Variants in OLAH observed in about 807,000 individuals in gnomAD.
The protein encoded by OLAH is S-acyl fatty acid synthase thioesterase, medium chain.
Under a neutral mutation model 27.8 loss-of-function variants are expected in OLAH, and 33 were observed. The ratio of observed to expected loss-of-function variants is 1.19; its 90% CI spans 0.90 to 1.59. The LOEUF is 1.59. Among genes scored for constraint, OLAH ranks in the 40% most tolerant of loss-of-function variants. The pLI, the probability that OLAH is intolerant of heterozygous loss-of-function variation, is 0.00. For synonymous variants in OLAH, 120 were observed against 102.9 expected, an observed-to-expected ratio of 1.17 and a Z score of -1.01; for missense variants, 359 against 310.8, an observed-to-expected ratio of 1.16 and a Z score of -1.17.
At chr10:15,055,908 G>T (rs1589245495) in intron 3 of OLAH, among the ~76,000 whole-genome samples, 1 of 150,598 alleles carries the variant, frequency 6.6e-6, no homozygotes, top group Non-Finnish European at 1.5e-5. Flanking sequence ...GGAGTGCAGT[G>T]GCACAATCTC....
intron 1 of OLAH, among the ~76,000 whole-genome samples, chr10:15,032,885 CT>C (rs11288848): frequency 0.72 from 108,860 of 151,690 alleles, 39,634 homozygotes; most frequent in East Asian, 0.98. Flanking sequence ...TTTTTGTTTT[CT>C]TTTTTTTAGA....
chr10:15,042,576 T>C (rs1266363217), upstream of OLAH, among the ~76,000 whole-genome samples: 1 of 152,194 alleles, frequency 6.6e-6, no homozygotes, highest in Non-Finnish European at 1.5e-5. Context: ...TTTTAGAATG[T>C]ACAATTAAGT....
intron 6 of OLAH, 90 bp from the exon 7 acceptor site, chr10:15,071,705 C>G: frequency 6.9e-7 from 1 of 1,454,686 alleles, no homozygotes; most frequent in Non-Finnish European, 9.4e-7. Flanking sequence ...AGAAGTGAAC[C>G]CACCCCAAGT....
intron 4 of OLAH, among the ~76,000 whole-genome samples, chr10:15,062,787 G>A (rs1844394248): frequency 6.7e-6 from 1 of 148,614 alleles, no homozygotes; most frequent in African/African-American, 2.5e-5. Context: ...CACCCACGCT[G>A]GAGTGCAGTG....
In OLAH at chr10:15,061,821, G is replaced by C; in HGVS notation, c.261G>C (p.Gln87His). 1 of 1,614,016 alleles carries C rather than the reference G, an allele frequency of 6.2e-7. No individual in the cohort carries two copies. The highest frequency in any genetic ancestry group is 2.2e-5 in the East Asian group (1 of 44,868). Residue 87 changes from glutamine to histidine, a missense_variant, in exon 4 of 8, where the codon CAG becomes CAC. Physicochemically the swap from Gln to His is conservative, Grantham distance 24. Coordinates refer to ENST00000378228, the MANE Select transcript of OLAH (RefSeq NM_001039702.3). ...QLVDEVVCAL[Q>H]PVIQDKPFAF... ...TTGATGAAGTTGTTTGTGCTCTGCA[G>C]CCAGTCATCCAGGATAAACCATTTG...
At chr10:15,069,122 G>A (rs1844528798) in intron 6 of OLAH, among the ~76,000 whole-genome samples, 1 of 152,168 alleles carries the variant, frequency 6.6e-6, no homozygotes, top group African/African-American at 2.4e-5. Flanking sequence ...TAGATAGTCT[G>A]AAGCATGAAT....
At chr10:15,056,800 T>G in intron 3 of OLAH, 1 of 1,443,332 alleles carries the variant, frequency 6.9e-7, no homozygotes, top group South Asian at 1.4e-5. Flanking sequence ...TCGGCTAATT[T>G]TATTTTATTT....
chr10:15,052,629 C>T (rs920923689), intron 3 of OLAH, among the ~76,000 whole-genome samples: 1 of 149,326 alleles, frequency 6.7e-6, no homozygotes, highest in African/African-American at 2.5e-5. Flanking sequence ...ACTTGTTTTA[C>T]TGTTTGTTGT....
At chr10:15,035,687 C>A (rs962540978) in intron 1 of OLAH, among the ~76,000 whole-genome samples, 1 of 152,064 alleles carries the variant, frequency 6.6e-6, no homozygotes, top group African/African-American at 2.4e-5. Context: ...AGTTTTCTTC[C>A]CAGTCAAAAG....
At chr10:15,058,969 C>CTCCCTCCTTCCCTCCCTCCCTCTCTCCT (rs1844302670) in intron 3 of OLAH, among the ~76,000 whole-genome samples, 1 of 105,832 alleles carries the variant, frequency 9.4e-6, no homozygotes, top group Non-Finnish European at 2.0e-5. Flanking sequence ...CCTTCCCTCC[C>CTCCCTCCTTCCCTCCCTCCCTCTCTCCT]TCCCTCTCTC....
intron 3 of OLAH, among the ~76,000 whole-genome samples, chr10:15,054,851 A>G (rs866659826): frequency 1.3e-5 from 2 of 152,258 alleles, no homozygotes; most frequent in South Asian, 4.1e-4. Flanking sequence ...TATTTCTATG[A>G]AGAATTTTAC....
At chr10:15,036,760 G>T (rs1843846239) in intron 1 of OLAH, among the ~76,000 whole-genome samples, 1 of 152,100 alleles carries the variant, frequency 6.6e-6, no homozygotes, top group East Asian at 1.9e-4. Context: ...AAAGTTCTAG[G>T]ATTACAGCCT....
rs199771372 is a variant in OLAH at position 15,073,213 on chromosome 10, C to T, written c.782C>T (p.Ser261Leu). 21 of 1,586,236 alleles carry T rather than the reference C, an allele frequency of 1.3e-5. No homozygotes were observed. The East Asian group carries it at 2.9e-4, about 22-fold the overall frequency. The change falls in exon 8 of 8, where the codon TCG becomes TTG. Residue 261 changes from serine (S) to leucine (L), a missense_variant. Physicochemically the swap from Ser to Leu is moderately radical, Grantham distance 145. Coordinates refer to ENST00000378228, the MANE Select transcript of OLAH (RefSeq NM_001039702.3). ...ATAATCAAGTGTCTAGAAGTATCAT[C>T]GATATCCAATTTTTAGATATTTTCC... is the stretch of plus-strand genomic sequence containing the variant. ...NYIIKCLEVS[S>L]ISNF
intron 6 of OLAH, among the ~76,000 whole-genome samples, chr10:15,070,747 C>A (rs890170100): frequency 9.4e-5 from 14 of 148,716 alleles, no homozygotes; most frequent in Admixed American, 6.1e-4. Context: ...CCCCAAAGTG[C>A]TGGGATTACA....
chr10:15,034,998 C>T (rs985169498), intron 1 of OLAH, among the ~76,000 whole-genome samples: 3 of 152,018 alleles, frequency 2.0e-5, no homozygotes, highest in East Asian at 1.9e-4. Context: ...GACAGGGTTT[C>T]GCCATGTTGG....
intron 1 of OLAH, among the ~76,000 whole-genome samples, chr10:15,035,230 G>A (rs1384764058): frequency 6.6e-6 from 1 of 152,178 alleles, no homozygotes; most frequent in Non-Finnish European, 1.5e-5. Flanking sequence ...AGAAAGCCCG[G>A]TATAGTCGGA....
rs558794219 is a variant in OLAH at position 15,071,995 on chromosome 10, G to A, written c.655+118G>A. 95 of 661,636 alleles carry A rather than the reference G, an allele frequency of 1.4e-4. 1 individual carries two copies. The highest frequency in any genetic ancestry group is 6.1e-4 in the East Asian group (21 of 34,524). 41.0% of individuals were successfully genotyped at this position (661,636 alleles called of 1,614,324 possible). ...GTCACCCAGGCTGGAGTGCAATGGC[G>A]CAATCTCAGCTCATTGCAACCTCCG... On this transcript the variant is annotated intron_variant, in intron 7 of 7. Coordinates refer to ENST00000378228, the MANE Select transcript of OLAH (RefSeq NM_001039702.3).
At chr10:15,063,892 C>T (rs1348678575) in intron 4 of OLAH, among the ~76,000 whole-genome samples, 6 of 152,162 alleles carry the variant, frequency 3.9e-5, no homozygotes, top group Non-Finnish European at 7.4e-5. Flanking sequence ...TAATAGAAGG[C>T]AGATGGATTC....
intron 3 of OLAH, among the ~76,000 whole-genome samples, chr10:15,055,330 C>T (rs1844225638): frequency 6.6e-6 from 1 of 152,130 alleles, no homozygotes; most frequent in South Asian, 2.1e-4. Context: ...TAAAAACCAC[C>T]TCGTTTGTGT....
Sources: gnomAD v4.1 joint callset for allele counts (sites outside exome capture counted in the v4.1 genomes callset) on GRCh38, gnomAD v4.1.1 for gene constraint, MANE v1.5 for transcripts, NCBI Gene and HGNC (gene_info 2026-07-23, HGNC 2026-07-21) for gene names.